Variants in ARHGAP8 observed in about 807,000 individuals in gnomAD.
ARHGAP8 encodes the protein rho GTPase-activating protein 8.
A neutral mutation model predicts 46.1 loss-of-function variants in ARHGAP8; 62 were observed. The observed-to-expected ratio is 1.34, with a 90% CI of 1.10 to 1.66. The LOEUF is 1.66. Ranked by LOEUF, ARHGAP8 falls within the 40% of genes most tolerant of loss-of-function variation. The probability of loss-of-function intolerance (pLI) is 0.00; values close to 1 mark genes in which losing one functional copy is unlikely to be tolerated. For missense variants in ARHGAP8, 923 were observed against 568.4 expected (o/e 1.62, Z -6.34); for synonymous variants, 375 against 243.1 (o/e 1.54, Z -5.05).
chr22:44,770,279 G>GA (rs1167146798), intron 1 of ARHGAP8, among the ~76,000 whole-genome samples: 1 of 151,838 alleles, frequency 6.6e-6, no homozygotes, highest in Non-Finnish European at 1.5e-5. Context: ...AAAACAAAAA[G>GA]AAAATTCTCC....
chr22:44,845,638 C>T (rs533465387), intron 8 of ARHGAP8, among the ~76,000 whole-genome samples: 5 of 152,256 alleles, frequency 3.3e-5, no homozygotes, highest in African/African-American at 1.2e-4. Flanking sequence ...TTGTTGTAAC[C>T]CCTAAACGAG....
rs111862398 is a variant in ARHGAP8, at chr22:44,859,833, C to A, written c.980C>A (p.Ala327Glu). Residue 327 changes from alanine to glutamate, a missense_variant and splice_region_variant, in exon 11 of 12, where the codon GCG becomes GAG. Physicochemically the swap from Ala to Glu is moderately radical, Grantham distance 107. Transcript: ENST00000356099. Reference protein sequence around the residue: ...VLRYLMGFLHAVSRESIFNKM... With the variant: ...VLRYLMGFLHEVSRESIFNKM... The stretch of plus-strand genomic sequence containing the variant: ...CGCTACCTCATGGGCTTCCTGCATG[C>A]GGTGAGTGGGGAAGGGGGGAGCTTG... 1 of 1,613,358 alleles carries A rather than the reference C, an allele frequency of 6.2e-7. No individual in the cohort carries two copies. Among genetic ancestry groups the A allele is most frequent in the South Asian group, 1.1e-5 (1 of 91,044 alleles).
At chr22:44,778,931 G>C (rs1354897613) in intron 1 of ARHGAP8, among the ~76,000 whole-genome samples, 1 of 118,660 alleles carries the variant, frequency 8.4e-6, no homozygotes, top group Admixed American at 9.6e-5. Flanking sequence ...AAACAAACAT[G>C]TTAATGATTT....
chr22:44,798,033 T>C (rs1197971212), intron 2 of ARHGAP8, among the ~76,000 whole-genome samples: 2 of 145,866 alleles, frequency 1.4e-5, no homozygotes, highest in Non-Finnish European at 3.0e-5. Flanking sequence ...CTAGAGTGCA[T>C]TGGTGTGATC....
At chr22:44,833,096 C>CTTTTCTTTTTTT (rs535842585) in intron 7 of ARHGAP8, among the ~76,000 whole-genome samples, 1 of 120,432 alleles carries the variant, frequency 8.3e-6, no homozygotes, top group East Asian at 2.7e-4. Context: ...CTTTTCTTTT[C>CTTTTCTTTTTTT]TTTTTTTTTT....
At chr22:44,853,473 G>A (rs75723338) in intron 10 of ARHGAP8, among the ~76,000 whole-genome samples, 2,525 of 152,248 alleles carry the variant, frequency 0.017, 74 homozygotes, top group African/African-American at 0.058. Flanking sequence ...TGGAGGAAAG[G>A]AGAGGAACTG....
chr22:44,768,499 G>T (rs1352675982), intron 1 of ARHGAP8, among the ~76,000 whole-genome samples: 6 of 150,420 alleles, frequency 4.0e-5, no homozygotes, highest in Non-Finnish European at 7.4e-5. Context: ...AGAGACAGGG[G>T]TCTTGCTTCA....
At chr22:44,804,381 T>C (rs1438888074) in intron 3 of ARHGAP8, among the ~76,000 whole-genome samples, 1 of 151,558 alleles carries the variant, frequency 6.6e-6, no homozygotes, top group Non-Finnish European at 1.5e-5. Flanking sequence ...CCTGTCTGTG[T>C]GAGTGAGAGG....
chr22:44,842,314 G>A (rs1394057324), intron 7 of ARHGAP8, among the ~76,000 whole-genome samples: 2 of 152,094 alleles, frequency 1.3e-5, no homozygotes, highest in African/African-American at 4.8e-5. Flanking sequence ...CAGAGATTGC[G>A]CCACTGCACT....
At chr22:44,862,058 C>A (rs995214132) in intron 11 of ARHGAP8, among the ~76,000 whole-genome samples, 2 of 152,202 alleles carry the variant, frequency 1.3e-5, no homozygotes, top group Non-Finnish European at 2.9e-5. Flanking sequence ...GCCAGAGGGT[C>A]CTCCAGGACA....
At chr22:44,824,541 G>A (rs759617700) in intron 6 of ARHGAP8, among the ~76,000 whole-genome samples, 9 of 152,310 alleles carry the variant, frequency 5.9e-5, no homozygotes, top group African/African-American at 1.7e-4. Context: ...ACAGTGCCCG[G>A]CACATAGTAG....
At position 44,859,844 on chromosome 22, in the gene ARHGAP8, G is replaced by T. The variant is rs746772537; in HGVS notation, c.981+10G>T. 5.0e-6 allele frequency: 8 copies of T among 1,612,442 alleles called. No homozygotes were observed. Among genetic ancestry groups the T allele is most frequent in the Non-Finnish European group, 5.9e-6 (7 of 1,179,362 alleles). ...GGGCTTCCTGCATGCGGTGAGTGGGGAAGGGGGGAGCTTGGGGTGAAGCCC... is the reference window on the plus strand; with the variant it reads ...GGGCTTCCTGCATGCGGTGAGTGGGTAAGGGGGGAGCTTGGGGTGAAGCCC... On this transcript the variant is annotated intron_variant, in intron 11 of 11. Transcript: ENST00000356099.
intron 1 of ARHGAP8, among the ~76,000 whole-genome samples, chr22:44,771,448 T>C (rs1391248254): frequency 6.6e-6 from 1 of 151,860 alleles, no homozygotes; most frequent in Admixed American, 6.6e-5. Context: ...GGTTTCACCA[T>C]GTTGGCCAGG....
At chr22:44,826,885 G>T (rs1322182840) in intron 7 of ARHGAP8, among the ~76,000 whole-genome samples, 2 of 152,174 alleles carry the variant, frequency 1.3e-5, no homozygotes, top group South Asian at 4.1e-4. Context: ...TCGGCCCTGG[G>T]GACCTGCCTG....
At chr22:44,861,781 C>A (rs184832761) in intron 11 of ARHGAP8, among the ~76,000 whole-genome samples, 5 of 152,258 alleles carry the variant, frequency 3.3e-5, no homozygotes, top group African/African-American at 9.6e-5. Context: ...ATGACTCCCC[C>A]GTGCTGGGGT....
chr22:44,862,413 A>ATC lies in ARHGAP8; in HGVS notation c.1121_1122dup (p.Glu375SerfsTer53). On this transcript the variant is annotated frameshift_variant, in exon 12 of 12. Coordinates refer to ENST00000356099, the MANE Select transcript of ARHGAP8 (RefSeq NM_181335.3). LOFTEE classifies it low-confidence loss of function (END_TRUNC). ...CCTGAACATGTTCACTGAACTGCTG[A>ATC]TCGAGTACTATGAAAAGATCTTCAG... 6.2e-7 allele frequency: 1 copy of ATC among 1,614,102 alleles called. No individual in the cohort carries two copies. The highest frequency in any genetic ancestry group is 1.6e-4 in the Middle Eastern group (1 of 6,062).
intron 1 of ARHGAP8, among the ~76,000 whole-genome samples, chr22:44,784,151 C>A (rs1032589990): frequency 3.9e-5 from 6 of 152,160 alleles, no homozygotes; most frequent in African/African-American, 1.4e-4. Context: ...CACCTGTAAT[C>A]CCAGCACTTT....
intron 7 of ARHGAP8, among the ~76,000 whole-genome samples, chr22:44,841,891 G>C (rs1376264747): frequency 6.6e-6 from 1 of 152,214 alleles, no homozygotes; most frequent in Non-Finnish European, 1.5e-5. Context: ...GGAAATGAAG[G>C]TGACACAGAG....
intron 2 of ARHGAP8, among the ~76,000 whole-genome samples, chr22:44,791,274 A>C (rs1015340972): frequency 4.6e-5 from 7 of 151,910 alleles, no homozygotes; most frequent in African/African-American, 1.7e-4. Context: ...CCTCCCGGGG[A>C]GTATATGAAG....
Sources: gnomAD v4.1 joint callset for allele counts (sites outside exome capture counted in the v4.1 genomes callset) on GRCh38, gnomAD v4.1.1 for gene constraint, MANE v1.5 for transcripts, NCBI Gene and HGNC (gene_info 2026-07-23, HGNC 2026-07-21) for gene names.